Variants in FGF14 observed in about 807,000 individuals in gnomAD.
The protein encoded by FGF14 is fibroblast growth factor 14, also known as fibroblast growth factor homologous factor 4.
In FGF14, 5 loss-of-function variants were observed where a neutral mutation model predicts 25.5. That is an observed-to-expected ratio of 0.20 (90% CI 0.10 to 0.41). The LOEUF is 0.41. Among genes scored for constraint, FGF14 ranks in the 10% least tolerant of loss-of-function variants. FGF14 has a pLI of 1.00. For synonymous variants in FGF14, 138 were observed against 118.3 expected (o/e 1.17, Z -1.08); for missense variants, 222 against 320.1 (o/e 0.69, Z 2.34).
chr13:101,747,480 T>C (rs2036963684), intron 3 of FGF14, among the ~76,000 whole-genome samples: 1 of 151,986 alleles, frequency 6.6e-6, no homozygotes, highest in Admixed American at 6.6e-5. Context: ...AAATGATGAC[T>C]CTCCTTCTAA....
At chr13:102,300,726 A>G (rs1423148338) in intron 1 of FGF14, among the ~76,000 whole-genome samples, 1 of 152,162 alleles carries the variant, frequency 6.6e-6, no homozygotes, top group East Asian at 1.9e-4. Flanking sequence ...GAAGATACAC[A>G]GTGCATATTT....
chr13:102,161,355 G>A (rs192280981), intron 1 of FGF14, among the ~76,000 whole-genome samples: 84 of 152,054 alleles, frequency 5.5e-4, no homozygotes, highest in Middle Eastern at 3.4e-3. Context: ...TAATCCTGCC[G>A]TTCCAGTTGC....
chr13:102,239,134 GC>G (rs563649990), intron 1 of FGF14, among the ~76,000 whole-genome samples: 18 of 152,018 alleles, frequency 1.2e-4, no homozygotes, highest in African/African-American at 3.9e-4. Context: ...CAAGATCCCA[GC>G]CCACATCTGT....
chr13:102,161,662 A>T (rs753389318), intron 1 of FGF14, among the ~76,000 whole-genome samples: 2,978 of 25,612 alleles, frequency 0.12, 252 homozygotes, highest in African/African-American at 0.2. Flanking sequence ...GAAGAAGAAG[A>T]AGAAGAAGAA....
At chr13:101,946,636 AG>A (rs2035826485) in intron 1 of FGF14, among the ~76,000 whole-genome samples, 11 of 152,326 alleles carry the variant, frequency 7.2e-5, no homozygotes, top group African/African-American at 2.6e-4. Flanking sequence ...AAATGACTAC[AG>A]CAACTTCTGG....
At chr13:102,090,301 T>C (rs2044108971) in intron 1 of FGF14, among the ~76,000 whole-genome samples, 1 of 152,162 alleles carries the variant, frequency 6.6e-6, no homozygotes, top group African/African-American at 2.4e-5. Context: ...AAAAATAATC[T>C]CCTAAAATTA....
chr13:102,332,591 A>C (rs1275825258), intron 1 of FGF14, among the ~76,000 whole-genome samples: 1 of 144,214 alleles, frequency 6.9e-6, no homozygotes, highest in East Asian at 2.0e-4. Context: ...GAGCTTTACC[A>C]ACATTTTTTT....
At chr13:101,865,518 A>G (rs1010209858) in intron 3 of FGF14, among the ~76,000 whole-genome samples, 3 of 152,134 alleles carry the variant, frequency 2.0e-5, no homozygotes. Flanking sequence ...CATTAGGACC[A>G]CAAAAGAAAT....
intron 3 of FGF14, among the ~76,000 whole-genome samples, chr13:101,728,671 C>T (rs545898952): frequency 1.3e-5 from 2 of 152,174 alleles, no homozygotes; most frequent in East Asian, 3.9e-4. Context: ...TGAGACAGGG[C>T]AGGGCACCTA....
At chr13:101,949,936 A>G (rs2036047171) in intron 1 of FGF14, among the ~76,000 whole-genome samples, 1 of 152,094 alleles carries the variant, frequency 6.6e-6, no homozygotes, top group South Asian at 2.1e-4. Flanking sequence ...TTTTAAAGGG[A>G]GGTCTTGGGC....
At chr13:101,971,572 A>G (rs923429051) in intron 1 of FGF14, among the ~76,000 whole-genome samples, 1 of 152,148 alleles carries the variant, frequency 6.6e-6, no homozygotes, top group African/African-American at 2.4e-5. Flanking sequence ...GGGGTTTGCC[A>G]TGTCGTCTAG....
At chr13:102,070,987 AC>A (rs1454118890) in intron 1 of FGF14, among the ~76,000 whole-genome samples, 1 of 151,892 alleles carries the variant, frequency 6.6e-6, no homozygotes, top group Non-Finnish European at 1.5e-5. Context: ...ACACATAAAA[AC>A]ATCACTGAAA....
intron 1 of FGF14, among the ~76,000 whole-genome samples, chr13:102,156,798 G>T (rs1177627724): frequency 6.6e-6 from 1 of 152,128 alleles, no homozygotes; most frequent in Non-Finnish European, 1.5e-5. Flanking sequence ...AAGCTGATAA[G>T]CAACTTCAGC....
At chr13:102,183,839 A>G (rs2048772247) in intron 1 of FGF14, among the ~76,000 whole-genome samples, 1 of 152,146 alleles carries the variant, frequency 6.6e-6, no homozygotes, top group Non-Finnish European at 1.5e-5. Context: ...AAGATGTGGG[A>G]CACAGTTCCC....
At chr13:101,843,278 G>A (rs1203965558) in intron 3 of FGF14, among the ~76,000 whole-genome samples, 3 of 151,952 alleles carry the variant, frequency 2.0e-5, no homozygotes, top group African/African-American at 7.3e-5. Flanking sequence ...CTGTATTTCA[G>A]AAGAAGTAGG....
intron 1 of FGF14, among the ~76,000 whole-genome samples, chr13:101,947,633 A>C (rs1245817879): frequency 1.3e-5 from 2 of 152,200 alleles, no homozygotes; most frequent in African/African-American, 4.8e-5. Context: ...GGAGCTAACC[A>C]TTGAGTACAC....
In FGF14 at chr13:101,870,974, A is replaced by AC. The variant is rs532231093; in HGVS notation, c.305-2147_305-2146insG. 1.1e-3 allele frequency among the ~76,000 whole-genome samples: 159 copies of AC among 151,412 alleles called. No individual in the cohort carries two copies. The East Asian group carries it at 0.015, about 14-fold the overall frequency. On this transcript the variant is annotated intron_variant, in intron 2 of 4. Transcript: ENST00000376143. ...CTCAAAAATAAATAAATAAATAAAT[A>AC]AATACATACATACATACATACATAC...
chr13:101,877,260 G>A (rs752841940), intron 1 of FGF14, among the ~76,000 whole-genome samples: 4 of 152,092 alleles, frequency 2.6e-5, no homozygotes, highest in Non-Finnish European at 5.9e-5. Context: ...CTTTAACTTC[G>A]AGAAAATACA....
chr13:101,863,849 T>C (rs1566337346), intron 3 of FGF14, among the ~76,000 whole-genome samples: 1 of 152,118 alleles, frequency 6.6e-6, no homozygotes. Flanking sequence ...CATGGAAGCA[T>C]GAGGTGGGTT....
Sources: allele counts gnomAD v4.1 joint callset (sites outside exome capture counted in the v4.1 genomes callset), GRCh38; gene constraint gnomAD v4.1.1; transcripts MANE v1.5; gene names NCBI Gene and HGNC (gene_info 2026-07-23, HGNC 2026-07-21).